KIF21B: variants seen among roughly 807,000 people sequenced by gnomAD.
The protein encoded by KIF21B is kinesin-like protein KIF21B.
Under a neutral mutation model 192.9 loss-of-function variants are expected in KIF21B, and 85 were observed. That is an observed-to-expected ratio of 0.44 (90% CI 0.37 to 0.53). The LOEUF is 0.53. Among genes scored for constraint, KIF21B ranks in the 20% least tolerant of loss-of-function variants. The probability of loss-of-function intolerance (pLI) is 0.00; values close to 1 mark genes in which losing one functional copy is unlikely to be tolerated. For synonymous variants in KIF21B, 832 were observed against 884.6 expected (o/e 0.94, Z 1.05); for missense variants, 1,716 against 2,194.8 (o/e 0.78, Z 4.36).
chr1:200,979,351 G>A (rs1359994570), intron 30 of KIF21B, among the ~76,000 whole-genome samples, 184 bp downstream of exon 30: 3 of 152,170 alleles, frequency 2.0e-5, no homozygotes, highest in Non-Finnish European at 4.4e-5. Flanking sequence ...CCCAGACACT[G>A]TCTCCCAAAC....
At chr1:200,983,359 G>A (rs564768297) in intron 27 of KIF21B, among the ~76,000 whole-genome samples, 98 of 152,182 alleles carry the variant, frequency 6.4e-4, no homozygotes, top group Middle Eastern at 6.8e-3. Context: ...ACGGGGAGAT[G>A]TGGGAGCACC....
intron 34 of KIF21B, chr1:200,974,136 G>A (rs780134125): frequency 5.6e-6 from 9 of 1,600,478 alleles, no homozygotes; most frequent in African/African-American, 2.7e-5. Context: ...GCCAGGACTC[G>A]GCGAGGAAGG....
chr1:200,996,500 G>A (rs1380606161), intron 14 of KIF21B, 105 bp from the exon 15 acceptor site: 8 of 1,023,748 alleles, frequency 7.8e-6, no homozygotes, highest in Non-Finnish European at 1.2e-5. Flanking sequence ...CAGTCTCATT[G>A]TATGACCTTG....
At position 200,999,874 on chromosome 1, in the gene KIF21B, G is replaced by C; in HGVS notation, c.1767+9C>G. The C allele has an allele frequency of 1.2e-6, 2 of 1,613,192 alleles. No individual in the cohort carries two copies. The highest frequency in any genetic ancestry group is 1.7e-6 in the Non-Finnish European group (2 of 1,179,870). ...CATGTGGTGAGGTGGGGCGGCCCGT[G>C]CTCCTCACCTCCTCCGCCTCGTTCT... On this transcript the variant is annotated intron_variant, in intron 12 of 34. Coordinates refer to ENST00000461742, the MANE Select transcript of KIF21B (RefSeq NM_001252102.2). The surrounding 1 kb of genome is among the most constrained non-coding windows in gnomAD (Gnocchi z 4.7).
chr1:201,006,100 C>G (rs1177416485), intron 3 of KIF21B, among the ~76,000 whole-genome samples: 1 of 152,242 alleles, frequency 6.6e-6, no homozygotes, highest in Non-Finnish European at 1.5e-5. Flanking sequence ...AGAGACAGAG[C>G]TCAGTGGAGA....
chr1:200,988,826 G>C lies in KIF21B; in HGVS notation c.3238C>G (p.Leu1080Val), dbSNP rs1286188382. The change falls in exon 22 of 35, where the codon CTG (leucine) becomes GTG (valine). Residue 1080 changes from leucine (L) to valine (V), a missense_variant. Physicochemically the swap from Leu to Val is conservative, Grantham distance 32. Around this residue, in one of 3 missense-constraint regions of KIF21B, gnomAD observed 580 missense variants for 775.5 expected, o/e 0.75. Transcript: ENST00000461742. ...GGGTGAGCTTCAGCCTTCTCACGCA[G>C]GGCGTCCAGGAGCAGATGGTTCTGG... ...SSQNHLLLDA[L>V]REKAEAHPEL... 1 of 1,613,614 alleles carries C rather than the reference G, an allele frequency of 6.2e-7. No homozygotes were observed. Among genetic ancestry groups the C allele is most frequent in the Admixed American group, 1.7e-5 (1 of 59,956 alleles).
Position 200,981,076 on chromosome 1 carries a change from C to T in KIF21B, c.3863G>A (p.Gly1288Glu). The T allele has an allele frequency of 6.3e-7, 1 of 1,593,180 alleles. No homozygotes were observed. Among genetic ancestry groups the T allele is most frequent in the Non-Finnish European group, 8.5e-7 (1 of 1,173,436 alleles). Residue 1288 changes from glycine to glutamate, a missense_variant, in exon 29 of 35, where the codon GGA becomes GAA. Physicochemically the swap from Gly to Glu is moderately conservative, Grantham distance 98. Around this residue, in one of 3 missense-constraint regions of KIF21B, gnomAD observed 580 missense variants for 775.5 expected, o/e 0.75. Coordinates refer to ENST00000461742, the MANE Select transcript of KIF21B (RefSeq NM_001252102.2). ...EVLRGIISPVGGAKGARTAPL... is the reference protein window; with the variant it reads ...EVLRGIISPVEGAKGARTAPL... ...GGCCGTCCGTGCACCCTTGGCTCCT[C>T]CAACCGGGGAGATGATGCCCCTTCC...
chr1:200,974,665 CAGGA>C (rs71991687), intron 34 of KIF21B, 45 bp downstream of exon 34: 1,600,126 of 1,600,458 alleles, frequency 1, 799,898 homozygotes, highest in East Asian at 1. Context: ...CTGCCCACAC[CAGGA>C]AGGAGATGAG....
At position 201,023,486 on chromosome 1, in the gene KIF21B, G is replaced by C. The variant is rs1285282456; in HGVS notation, c.-103C>G. 2 of 798,610 alleles carry C rather than the reference G, an allele frequency of 2.5e-6. No individual in the cohort carries two copies. Among genetic ancestry groups the C allele is most frequent in the African/African-American group, 3.6e-5 (2 of 54,950 alleles). 49.5% of individuals were successfully genotyped at this position (798,610 alleles called of 1,614,324 possible). A position where few individuals can be genotyped will look rare whatever the true frequency, so the allele number is the denominator to read the frequency against. ...TGCGGGAGGCGGGGGCGCGGGCGCG[G>C]CTGGCGGAGGCTGCGGCGGCGGCGG... On this transcript the variant is annotated 5_prime_UTR_variant, in exon 1 of 35. Coordinates refer to ENST00000461742, the MANE Select transcript of KIF21B (RefSeq NM_001252102.2). This position sits in a 1 kb window ranked among gnomAD's most constrained non-coding sequence, Gnocchi z 5.9.
chr1:201,005,404 G>A lies in KIF21B; in HGVS notation c.636C>T (p.Thr212=). The change falls in exon 5 of 35, where the codon ACC becomes ACT. Residue 212 remains threonine (T), a synonymous_variant. Transcript: ENST00000461742. ...GCACGTTCATCTGGGTGCTGGCTGT[G>A]GTGCGGGACAGGGCCCCCTGCTTCA... ...QCLKQGALSR[T]TASTQMNVQS... is the part of the protein sequence containing the mutation. 6.2e-7 allele frequency: 1 copy of A among 1,612,922 alleles called. No homozygotes were observed. The highest frequency in any genetic ancestry group is 8.5e-7 in the Non-Finnish European group (1 of 1,179,450).
At position 201,003,636 on chromosome 1, in the gene KIF21B, G is replaced by C; in HGVS notation, c.1162C>G (p.Leu388Val). 6.2e-7 allele frequency: 1 copy of C among 1,614,218 alleles called. No homozygotes were observed. The change falls in exon 8 of 35, where the codon CTG becomes GTG. Residue 388 changes from leucine (L) to valine (V), a missense_variant. Transcript: ENST00000461742. ...TGCAGCCGAGCAATCTCAGCCCGCA[G>C]TGCACTGATTTGCTGGCTGGTCTTG... ...QDKTSQQISALRAEIARLQME... is the reference protein window; with the variant it reads ...QDKTSQQISAVRAEIARLQME...
At chr1:200,989,136 C>T (rs1656509461) in intron 21 of KIF21B, among the ~76,000 whole-genome samples, 1 of 152,260 alleles carries the variant, frequency 6.6e-6, no homozygotes. Context: ...TTAGGACATA[C>T]CCTATTATGG....
chr1:201,011,571 G>C (rs533281670), intron 1 of KIF21B, among the ~76,000 whole-genome samples: 1 of 152,378 alleles, frequency 6.6e-6, no homozygotes, highest in South Asian at 2.1e-4. Context: ...GAGAGAGCAA[G>C]AGCAACCTTA....
chr1:201,013,006 G>C (rs2102471340), intron 1 of KIF21B, among the ~76,000 whole-genome samples: 1 of 152,262 alleles, frequency 6.6e-6, no homozygotes, highest in Admixed American at 6.5e-5. Flanking sequence ...AGAGCCATGG[G>C]GGCTCTCTAG....
chr1:201,021,399 G>A (rs1658818867), intron 1 of KIF21B, among the ~76,000 whole-genome samples: 1 of 152,216 alleles, frequency 6.6e-6, no homozygotes. Flanking sequence ...GACTTCTGAT[G>A]CTCAAATGCC....
At chr1:201,005,052 A>T in intron 5 of KIF21B, 119 bp from the exon 6 acceptor site, 1 of 1,173,088 alleles carries the variant, frequency 8.5e-7, no homozygotes, top group Non-Finnish European at 1.2e-6. Context: ...CCCTTCGCAC[A>T]TGCAGAGCAT....
intron 1 of KIF21B, among the ~76,000 whole-genome samples, chr1:201,013,626 G>A (rs747401016): frequency 6.6e-6 from 1 of 152,124 alleles, no homozygotes; most frequent in Non-Finnish European, 1.5e-5. Flanking sequence ...ACAAAGTGCT[G>A]GGATTACAGG....
chr1:200,985,473 G>A (rs1656221926), intron 26 of KIF21B, among the ~76,000 whole-genome samples: 1 of 152,120 alleles, frequency 6.6e-6, no homozygotes, highest in African/African-American at 2.4e-5. Flanking sequence ...GGGTGATGAA[G>A]TAAGACCCTA....
chr1:200,992,369 C>G lies in KIF21B; in HGVS notation c.2298G>C (p.Met766Ile). Residue 766 changes from methionine (M) to isoleucine (I), a missense_variant, in exon 16 of 35, where the codon ATG (methionine) becomes ATC (isoleucine). Around this residue, in one of 3 missense-constraint regions of KIF21B, gnomAD observed 1,087 missense variants for 1,316.6 expected, o/e 0.83. Transcript: ENST00000461742. ...KKAKVALMKQ[M>I]REEQQRRRLV... The stretch of plus-strand genomic sequence containing the variant: ...GCCGCCGCCGCTGTTGCTCCTCACG[C>G]ATCTGCTTCATCAGGGCCACCTGGG... 6.2e-7 allele frequency: 1 copy of G among 1,613,094 alleles called. No homozygotes were observed. Among genetic ancestry groups the G allele is most frequent in the East Asian group, 2.2e-5 (1 of 44,880 alleles).
Sources: allele counts gnomAD v4.1 joint callset (sites outside exome capture counted in the v4.1 genomes callset), GRCh38; gene constraint gnomAD v4.1.1; regional missense constraint gnomAD v4.1.1; non-coding constraint Gnocchi (gnomAD v3.1); transcripts MANE v1.5; gene names NCBI Gene and HGNC (gene_info 2026-07-23, HGNC 2026-07-21).